Variants in RFNG observed in about 807,000 individuals in gnomAD.
The protein encoded by RFNG is RFNG O-fucosylpeptide 3-beta-N-acetylglucosaminyltransferase.
Under a neutral mutation model 29.6 loss-of-function variants are expected in RFNG, and 37 were observed. The observed-to-expected ratio is 1.25, with a 90% CI of 0.96 to 1.65. The LOEUF (loss-of-function observed/expected upper bound fraction) is 1.65. Ranked by LOEUF, RFNG falls within the 40% of genes most tolerant of loss-of-function variation. The pLI is 0.00. For synonymous variants in RFNG, 276 were observed against 197.3 expected (o/e 1.40, Z -3.34); for missense variants, 546 against 457.0 (o/e 1.19, Z -1.78).
At chr17:82,050,831 C>T in intron 2 of RFNG, 67 bp from the exon 3 acceptor site, 2 of 1,527,172 alleles carry the variant, frequency 1.3e-6, no homozygotes, top group South Asian at 2.3e-5. Flanking sequence ...GGCCTGTGCC[C>T]CACCTGCCCC....
rs756856657 is a variant in RFNG, at chr17:82,049,496, C to A, written c.828+181G>T. 4 of 760,480 alleles carry A rather than the reference C, an allele frequency of 5.3e-6. No homozygotes were observed. The South Asian group carries it at 5.9e-5, about 11-fold the overall frequency. 47.1% of individuals were successfully genotyped at this position (760,480 alleles called of 1,614,324 possible). ...TTCCTCTGCCCCAGACACCATACCCCATCTGTACGTGAGGACCCTGTGTCC... is the reference window on the plus strand; with the variant it reads ...TTCCTCTGCCCCAGACACCATACCCAATCTGTACGTGAGGACCCTGTGTCC... On this transcript the variant is annotated intron_variant, in intron 6 of 7. Transcript: ENST00000310496.
rs368182949 is a variant in RFNG at position 82,049,941 on chromosome 17, G to A, written c.639C>T (p.Ala213=). The change falls in exon 5 of 8, where the codon GCC becomes GCT. Residue 213 remains alanine, a synonymous_variant. Coordinates refer to ENST00000310496, the MANE Select transcript of RFNG (RefSeq NM_002917.2). ...GAGFCLSRGL[A]LKMSPWASLG... ...ACCTGGCCCATGGGCTCATCTTGAG[G>A]GCAAGGCCTCTGCTGAGGCAGAACC... The A allele has an allele frequency of 1.2e-5, 19 of 1,612,432 alleles. No individual in the cohort carries two copies. The highest frequency in any genetic ancestry group is 9.3e-5 in the African/African-American group (7 of 74,912).
In RFNG at chr17:82,051,514, G is replaced by A; in HGVS notation, c.253C>T (p.Arg85Trp). The A allele has an allele frequency of 1.4e-6, 2 of 1,392,858 alleles. No homozygotes were observed. The highest frequency in any genetic ancestry group is 1.5e-5 in the African/African-American group (1 of 65,752). The allele number at this position is 1,392,858 out of a possible 1,614,324, so 86.3% of individuals were successfully genotyped here. The change falls in exon 1 of 8, where the codon CGG becomes TGG. Residue 85 changes from arginine (R) to tryptophan (W), a missense_variant. Coordinates refer to ENST00000310496, the MANE Select transcript of RFNG (RefSeq NM_002917.2). The surrounding 1 kb of genome is among the most constrained non-coding windows in gnomAD (Gnocchi z 4.1). The stretch of plus-strand genomic sequence containing the variant: ...GTCCGGCGCACCTGCTGGCGGGCCC[G>A]GGAGATCCAGGTGCGCAGCAGCAGC... ...LRLLLRTWISRARQQTFIFTD... is the reference protein window; with the variant it reads ...LRLLLRTWISWARQQTFIFTD...
chr17:82,048,793 T>C lies in RFNG; in HGVS notation c.929A>G (p.His310Arg). ...HQDPTRFKSI[H>R]CLLYPDTDWC... is the part of the protein sequence containing the mutation. Reference sequence around the variant, plus strand: ...GTCCGTGTCTGGGTACAGAAGACAATGGATAGACTTAAACCTGGGGAAGGA... The same window carrying C: ...GTCCGTGTCTGGGTACAGAAGACAACGGATAGACTTAAACCTGGGGAAGGA... The change falls in exon 8 of 8, where the codon CAT (histidine) becomes CGT (arginine). Residue 310 changes from histidine (H) to arginine (R), a missense_variant. Transcript: ENST00000310496. 6 of 1,612,252 alleles carry C rather than the reference T, an allele frequency of 3.7e-6. No homozygotes were observed. Among genetic ancestry groups the C allele is most frequent in the Non-Finnish European group, 5.1e-6 (6 of 1,179,492 alleles).
intron 2 of RFNG, 111 bp from the exon 3 acceptor site, chr17:82,050,875 G>T (rs2030429157): frequency 4.2e-6 from 6 of 1,419,028 alleles, no homozygotes; most frequent in Non-Finnish European, 5.7e-6. Flanking sequence ...TGTCTGACAT[G>T]CCTGGACACC....
In RFNG at chr17:82,048,691, C is replaced by T. The variant is rs767600369; in HGVS notation, c.*35G>A. 17 of 1,583,916 alleles carry T rather than the reference C, an allele frequency of 1.1e-5. 1 individual carries two copies. In the South Asian group the frequency reaches 1.9e-4, roughly 17 times the overall value. ...GGGCTCTGGTTCCCCGCGCCTGGGACAGAGCCAGGCAGCCCTGGGTCGGGG... is the reference window on the plus strand; with the variant it reads ...GGGCTCTGGTTCCCCGCGCCTGGGATAGAGCCAGGCAGCCCTGGGTCGGGG... On this transcript the variant is annotated 3_prime_UTR_variant, in exon 8 of 8. Coordinates refer to ENST00000310496, the MANE Select transcript of RFNG (RefSeq NM_002917.2).
rs200651785 is a variant in RFNG, at chr17:82,049,846, G to C, written c.663-4C>G. The C allele has an allele frequency of 6.2e-4, 1,002 of 1,604,350 alleles. 2 individuals are homozygous for C. Among genetic ancestry groups the C allele is most frequent in the Non-Finnish European group, 8.0e-4 (935 of 1,175,486 alleles). On this transcript the variant is annotated splice_region_variant and splice_polypyrimidine_tract_variant and intron_variant, in intron 5 of 7. Transcript: ENST00000310496. The stretch of plus-strand genomic sequence containing the variant: ...TGTGCTCATGAAGCTGCCCAGGCTG[G>C]GGGGAGGCCGGTCAGCACCTTTCAG...
rs1258533882 is a variant in RFNG, at chr17:82,051,467, G to A, written c.267+33C>T. Reference sequence around the variant, plus strand: ...CCTGGGAGGCGGGGCGGGTGGGCGTGGGGCTCGCCGTCGGGGTCGGGGTCC... The same window carrying A: ...CCTGGGAGGCGGGGCGGGTGGGCGTAGGGCTCGCCGTCGGGGTCGGGGTCC... On this transcript the variant is annotated intron_variant, in intron 1 of 7. Coordinates refer to ENST00000310496, the MANE Select transcript of RFNG (RefSeq NM_002917.2). This position sits in a 1 kb window ranked among gnomAD's most constrained non-coding sequence, Gnocchi z 4.1. 7.4e-7 allele frequency: 1 copy of A among 1,347,292 alleles called. No individual in the cohort carries two copies. The highest frequency in any genetic ancestry group is 3.9e-5 in the Admixed American group (1 of 25,430). 83.5% of individuals were successfully genotyped at this position (1,347,292 alleles called of 1,614,324 possible).
At chr17:82,048,988 C>A in intron 7 of RFNG, 43 bp downstream of exon 7, 5 of 1,581,522 alleles carry the variant, frequency 3.2e-6, no homozygotes, top group Non-Finnish European at 3.4e-6. Flanking sequence ...GATGCCAGAG[C>A]CCCTGCGGGG....
chr17:82,051,373 G>A lies in RFNG; in HGVS notation c.268-31C>T, dbSNP rs1598473775. 2.1e-6 allele frequency: 3 copies of A among 1,452,690 alleles called. No individual in the cohort carries two copies. The highest frequency in any genetic ancestry group is 1.5e-5 in the African/African-American group (1 of 67,126). The allele number at this position is 1,452,690 out of a possible 1,614,324, so 90.0% of individuals were successfully genotyped here. A position where few individuals can be genotyped will look rare whatever the true frequency, so the allele number is the denominator to read the frequency against. ...GGAGAAACAATCTATGAGGCTTCTGGGGCGCTGCCCAGGCCGGAGACCGAC... is the reference window on the plus strand; with the variant it reads ...GGAGAAACAATCTATGAGGCTTCTGAGGCGCTGCCCAGGCCGGAGACCGAC... On this transcript the variant is annotated intron_variant, in intron 1 of 7. Coordinates refer to ENST00000310496, the MANE Select transcript of RFNG (RefSeq NM_002917.2). The surrounding 1 kb of genome is among the most constrained non-coding windows in gnomAD (Gnocchi z 4.1).
rs954426577 is a variant in RFNG, at chr17:82,051,397, A to C, written c.268-55T>G. 44 of 1,408,920 alleles carry C rather than the reference A, an allele frequency of 3.1e-5. No homozygotes were observed. The highest frequency in any genetic ancestry group is 2.7e-4 in the South Asian group (16 of 58,554). 87.3% of individuals were successfully genotyped at this position (1,408,920 alleles called of 1,614,324 possible). A position where few individuals can be genotyped will look rare whatever the true frequency, so the allele number is the denominator to read the frequency against. On this transcript the variant is annotated intron_variant, in intron 1 of 7. Coordinates refer to ENST00000310496, the MANE Select transcript of RFNG (RefSeq NM_002917.2). This position sits in a 1 kb window ranked among gnomAD's most constrained non-coding sequence, Gnocchi z 4.1. ...GGGGCGCTGCCCAGGCCGGAGACCG[A>C]CCCGCCCCGCGCGGAGCCTCCGGGG... is the stretch of plus-strand genomic sequence containing the variant.
At position 82,051,465 on chromosome 17, in the gene RFNG, G is replaced by C; in HGVS notation, c.267+35C>G. The C allele has an allele frequency of 1.5e-6, 2 of 1,346,674 alleles. No individual in the cohort carries two copies. Among genetic ancestry groups the C allele is most frequent in the Non-Finnish European group, 1.9e-6 (2 of 1,046,514 alleles). 83.4% of individuals were successfully genotyped at this position (1,346,674 alleles called of 1,614,324 possible). A position where few individuals can be genotyped will look rare whatever the true frequency, so the allele number is the denominator to read the frequency against. On this transcript the variant is annotated intron_variant, in intron 1 of 7. Coordinates refer to ENST00000310496, the MANE Select transcript of RFNG (RefSeq NM_002917.2). This position sits in a 1 kb window ranked among gnomAD's most constrained non-coding sequence, Gnocchi z 4.1. ...ACCCTGGGAGGCGGGGCGGGTGGGCGTGGGGCTCGCCGTCGGGGTCGGGGT... is the reference window on the plus strand; with the variant it reads ...ACCCTGGGAGGCGGGGCGGGTGGGCCTGGGGCTCGCCGTCGGGGTCGGGGT...
At chr17:82,049,377 G>C (rs1290700014) in intron 6 of RFNG, 3 of 698,716 alleles carry the variant, frequency 4.3e-6, no homozygotes, top group Non-Finnish European at 7.8e-6. Flanking sequence ...CCACGTGATG[G>C]GACCTGTTCC....
chr17:82,050,629 G>A, intron 3 of RFNG, 33 bp downstream of exon 3: 1 of 1,610,952 alleles, frequency 6.2e-7, no homozygotes, highest in Non-Finnish European at 8.5e-7. Flanking sequence ...GCTTGGCTCT[G>A]AGCTCTCTGC....
Position 82,050,453 on chromosome 17 carries a change from G to C in RFNG, c.522C>G (p.Pro174=), listed in dbSNP as rs774769692. The C allele has an allele frequency of 6.2e-7, 1 of 1,612,464 alleles. No homozygotes were observed. Among genetic ancestry groups the C allele is most frequent in the Non-Finnish European group, 8.5e-7 (1 of 1,179,778 alleles). ...TGGCCTCAATGGGGTGGTCCAGGCTGGGCCGCCCCAGGTAGACGTCCTGGC... is the reference window on the plus strand; with the variant it reads ...TGGCCTCAATGGGGTGGTCCAGGCTCGGCCGCCCCAGGTAGACGTCCTGGC... The part of the protein sequence containing the change: ...SPSQDVYLGR[P]SLDHPIEATE... Residue 174 remains proline, a synonymous_variant, in exon 4 of 8, where the codon CCC becomes CCG. Coordinates refer to ENST00000310496, the MANE Select transcript of RFNG (RefSeq NM_002917.2).
intron 5 of RFNG, 35 bp downstream of exon 5, chr17:82,049,883 C>A: frequency 6.2e-7 from 1 of 1,611,242 alleles, no homozygotes; most frequent in Non-Finnish European, 8.5e-7. Context: ...TCTCAGCCTC[C>A]GCCTCCCAGC....
intron 6 of RFNG, 200 bp from the exon 7 acceptor site, chr17:82,049,316 A>T: frequency 1.4e-6 from 1 of 702,536 alleles, no homozygotes; most frequent in Non-Finnish European, 2.6e-6. Context: ...GGGACAGAAG[A>T]TAGGGATCTG....
chr17:82,049,808 G>C lies in RFNG; in HGVS notation c.697C>G (p.Arg233Gly). 6.4e-7 allele frequency: 1 copy of C among 1,557,352 alleles called. No individual in the cohort carries two copies. Among genetic ancestry groups the C allele is most frequent in the South Asian group, 1.2e-5 (1 of 82,580 alleles). ...CCAACTGTGCAGTCATCCGGCAGCC[G>C]CACCTGCTCAGCTGTGCTCATGAAG... ...GSFMSTAEQV[R>G]LPDDCTVGYI... The change falls in exon 6 of 8, where the codon CGG becomes GGG. Residue 233 changes from arginine (R) to glycine (G), a missense_variant. Coordinates refer to ENST00000310496, the MANE Select transcript of RFNG (RefSeq NM_002917.2).
chr17:82,049,370 C>T (rs1022784374), intron 6 of RFNG: 6 of 698,422 alleles, frequency 8.6e-6, no homozygotes, highest in East Asian at 2.7e-5. Flanking sequence ...CCCTGCTCCA[C>T]GTGATGGGAC....
Sources: allele counts gnomAD v4.1 joint callset, GRCh38; gene constraint gnomAD v4.1.1; non-coding constraint Gnocchi (gnomAD v3.1); transcripts MANE v1.5; gene names NCBI Gene and HGNC (gene_info 2026-07-23, HGNC 2026-07-21).